Variants in SEMA3E observed in about 807,000 individuals in gnomAD.
The protein encoded by SEMA3E is semaphorin-3E.
In SEMA3E, 49 loss-of-function variants were observed where a neutral mutation model predicts 93.6. The observed-to-expected ratio is 0.52, with a 90% confidence interval of 0.42 to 0.66. SEMA3E has a LOEUF of 0.66. Among genes scored for constraint, SEMA3E ranks in the 30% least tolerant of loss-of-function variants. The probability of loss-of-function intolerance (pLI) is 0.00; values close to 1 mark genes in which losing one functional copy is unlikely to be tolerated. For synonymous variants in SEMA3E, 363 were observed against 330.7 expected (o/e 1.10, Z -1.06); for missense variants, 906 against 964.8 (o/e 0.94, Z 0.81).
chr7:83,598,616 A>C (rs1792922985), intron 1 of SEMA3E, among the ~76,000 whole-genome samples: 1 of 152,162 alleles, frequency 6.6e-6, no homozygotes, highest in Non-Finnish European at 1.5e-5. Context: ...TGCTGTGTTA[A>C]TAATGCTAGC....
chr7:83,418,568 A>G, intron 4 of SEMA3E, 85 bp from the exon 5 acceptor site: 1 of 908,114 alleles, frequency 1.1e-6, no homozygotes, highest in East Asian at 2.6e-5. Flanking sequence ...TGAAACTTCG[A>G]TTATTTATAA....
At chr7:83,517,638 G>C (rs1790958170) in intron 1 of SEMA3E, among the ~76,000 whole-genome samples, 1 of 152,080 alleles carries the variant, frequency 6.6e-6, no homozygotes, top group Non-Finnish European at 1.5e-5. Flanking sequence ...GAATTAGGGA[G>C]AGAGGTAGCA....
At chr7:83,442,112 T>A (rs1479514027) in intron 4 of SEMA3E, among the ~76,000 whole-genome samples, 1 of 152,178 alleles carries the variant, frequency 6.6e-6, no homozygotes, top group South Asian at 2.1e-4. Flanking sequence ...ATTCAAATAT[T>A]TGGAGATAAC....
At chr7:83,393,457 A>G (rs916973615) in intron 13 of SEMA3E, among the ~76,000 whole-genome samples, 14 of 152,252 alleles carry the variant, frequency 9.2e-5, no homozygotes, top group African/African-American at 3.4e-4. Context: ...GACCCTGGGG[A>G]GGTTGAGTCT....
intron 16 of SEMA3E, among the ~76,000 whole-genome samples, chr7:83,378,974 C>T (rs946310800): frequency 1.3e-5 from 2 of 151,528 alleles, no homozygotes; most frequent in African/African-American, 4.8e-5. Flanking sequence ...TTATTCACAG[C>T]AATAAAGATA....
Position 83,515,727 on chromosome 7 carries a change from C to A in SEMA3E, c.116-25453G>T, listed in dbSNP as rs571442207. Among the ~76,000 whole-genome samples the A allele has an allele frequency of 3.9e-5, 6 of 152,252 alleles. No individual in the cohort carries two copies. In the South Asian group the frequency reaches 1.2e-3, roughly 32 times the overall value. On this transcript the variant is annotated intron_variant, in intron 1 of 16. Transcript: ENST00000643230. ...CTTTCTCCCAAATGTTGAGTCTCTA[C>A]ACAAAACAGCTGGTTGTTCGAGGGG...
chr7:83,408,832 C>T (rs1788378822), intron 5 of SEMA3E, among the ~76,000 whole-genome samples: 2 of 152,168 alleles, frequency 1.3e-5, no homozygotes, highest in Admixed American at 1.3e-4. Context: ...ACCTTGGCTT[C>T]ATTTATTTTC....
At chr7:83,428,038 A>T (rs1395898459) in intron 4 of SEMA3E, among the ~76,000 whole-genome samples, 1 of 152,206 alleles carries the variant, frequency 6.6e-6, no homozygotes, top group Non-Finnish European at 1.5e-5. Context: ...AGTAACCACT[A>T]ATGTGGGCAG....
chr7:83,628,329 T>A (rs1007697085), intron 1 of SEMA3E, among the ~76,000 whole-genome samples: 1 of 152,108 alleles, frequency 6.6e-6, no homozygotes. Flanking sequence ...ATTTGAATGT[T>A]GGCCTGTCTT....
At chr7:83,607,966 T>C (rs1000139445) in intron 1 of SEMA3E, among the ~76,000 whole-genome samples, 3 of 152,234 alleles carry the variant, frequency 2.0e-5, no homozygotes, top group Middle Eastern at 3.4e-3. Context: ...CCTATAATCC[T>C]AGCACTTTGG....
chr7:83,525,832 T>G (rs2115704602), intron 1 of SEMA3E, among the ~76,000 whole-genome samples: 1 of 150,566 alleles, frequency 6.6e-6, no homozygotes, highest in East Asian at 2.0e-4. Context: ...GATGATTTCC[T>G]TAGCTATCCA....
chr7:83,469,383 A>C, intron 2 of SEMA3E, 81 bp from the exon 3 acceptor site: 2 of 859,246 alleles, frequency 2.3e-6, no homozygotes, highest in Non-Finnish European at 3.7e-6. Context: ...TTTCTTCTAC[A>C]GTTCAAAACA....
rs1791749729 is a variant in SEMA3E at position 83,550,834 on chromosome 7, A to G, written c.116-60560T>C. Among the ~76,000 whole-genome samples, 3 of 152,146 alleles carry G rather than the reference A, an allele frequency of 2.0e-5. No individual in the cohort carries two copies. In the South Asian group the frequency reaches 6.2e-4, roughly 31 times the overall value. On this transcript the variant is annotated intron_variant, in intron 1 of 16. Transcript: ENST00000643230. ...AATATATGAGAAGTCCCACACATCA[A>G]CAAGAAAAATGCAAACATCCCACTA...
chr7:83,377,192 G>GA (rs1192130661), intron 16 of SEMA3E, among the ~76,000 whole-genome samples: 2 of 151,912 alleles, frequency 1.3e-5, no homozygotes, highest in Non-Finnish European at 2.9e-5. Flanking sequence ...TGATTTTATT[G>GA]AAAATCCATT....
At chr7:83,646,780 A>C (rs1584385308) in intron 1 of SEMA3E, among the ~76,000 whole-genome samples, 1 of 152,146 alleles carries the variant, frequency 6.6e-6, no homozygotes, top group East Asian at 1.9e-4. Flanking sequence ...TGATCAAATT[A>C]TTAACTCTCT....
intron 1 of SEMA3E, among the ~76,000 whole-genome samples, chr7:83,573,298 T>C (rs1792325036): frequency 6.6e-6 from 1 of 152,146 alleles, no homozygotes; most frequent in Admixed American, 6.5e-5. Context: ...TTATTATGAT[T>C]TTGTCATTTT....
intron 1 of SEMA3E, among the ~76,000 whole-genome samples, chr7:83,647,031 A>C (rs1479317009): frequency 2.0e-5 from 3 of 152,076 alleles, no homozygotes; most frequent in Non-Finnish European, 4.4e-5. Context: ...TTGATGATAA[A>C]CTTCTTAGAA....
intron 4 of SEMA3E, among the ~76,000 whole-genome samples, chr7:83,449,987 A>G (rs1584256122): frequency 1.3e-5 from 2 of 152,314 alleles, no homozygotes; most frequent in East Asian, 3.9e-4. Context: ...GGCAAACTGA[A>G]GACTTCAGCT....
intron 2 of SEMA3E, among the ~76,000 whole-genome samples, chr7:83,486,532 C>G (rs114103401): frequency 6.6e-6 from 1 of 152,042 alleles, no homozygotes; most frequent in Non-Finnish European, 1.5e-5. Flanking sequence ...TGGTGAGCAC[C>G]GAAGAACTGA....
Sources: gnomAD v4.1 joint callset for allele counts (sites outside exome capture counted in the v4.1 genomes callset) on GRCh38, gnomAD v4.1.1 for gene constraint, MANE v1.5 for transcripts, NCBI Gene and HGNC (gene_info 2026-07-23, HGNC 2026-07-21) for gene names.